Variants in PIAS2 observed in about 807,000 individuals in gnomAD.
PIAS2 encodes the protein protein inhibitor of activated STAT 2.
A neutral mutation model predicts 69.7 loss-of-function variants in PIAS2; 19 were observed. The ratio of observed to expected loss-of-function variants is 0.27; its 90% CI spans 0.19 to 0.40. The LOEUF is 0.40. PIAS2 is among the 10% of genes least tolerant of loss of function. The probability of loss-of-function intolerance (pLI) is 1.00; values close to 1 mark genes in which losing one functional copy is unlikely to be tolerated. For missense variants in PIAS2, 624 were observed against 757.0 expected, an observed-to-expected ratio of 0.82 and a Z score of 2.06; for synonymous variants, 261 against 263.2, an observed-to-expected ratio of 0.99 and a Z score of 0.08.
chr18:46,818,332 C>T lies in PIAS2; in HGVS notation c.1648+2601G>A. On this transcript the variant is annotated intron_variant, in intron 12 of 13. Transcript: ENST00000585916. ...CAGTCATATTTTTCCTTGAAATAAG[C>T]TGTTTTCCACTCCATAAATACAAAT... 5 of 1,468,708 alleles carry T rather than the reference C, an allele frequency of 3.4e-6. No individual in the cohort carries two copies. The South Asian group carries it at 7.8e-5, about 23-fold the overall frequency. 91.0% of individuals were successfully genotyped at this position (1,468,708 alleles called of 1,614,324 possible). A position where few individuals can be genotyped will look rare whatever the true frequency, so the allele number is the denominator to read the frequency against.
chr18:46,898,292 C>T (rs1202472341), intron 1 of PIAS2, among the ~76,000 whole-genome samples: 7 of 151,974 alleles, frequency 4.6e-5, no homozygotes, highest in Admixed American at 4.6e-4. Flanking sequence ...GGATTACTGG[C>T]ACACACCACC....
intron 9 of PIAS2, among the ~76,000 whole-genome samples, chr18:46,835,751 ACTG>A (rs1262519289): frequency 2.0e-5 from 3 of 152,218 alleles, no homozygotes; most frequent in Non-Finnish European, 4.4e-5. Flanking sequence ...ATAGGATGGT[ACTG>A]CTAATTTTAT....
intron 13 of PIAS2, among the ~76,000 whole-genome samples, chr18:46,813,298 ACCCCTTT>A (rs1483882533): frequency 2.0e-5 from 3 of 152,022 alleles, no homozygotes; most frequent in Non-Finnish European, 4.4e-5. Flanking sequence ...CCTGCTTAAC[ACCCCTTT>A]CCTAGTGCTC....
At chr18:46,866,847 G>T (rs1027185580) in intron 2 of PIAS2, among the ~76,000 whole-genome samples, 3 of 151,992 alleles carry the variant, frequency 2.0e-5, no homozygotes, top group Admixed American at 1.3e-4. Flanking sequence ...TCCACTCTTA[G>T]CGTGCCACAA....
In PIAS2 at chr18:46,807,236, T is replaced by A. The variant is rs555415846; in HGVS notation, c.*5197A>T. The A allele has an allele frequency of 1.0e-4, 15 of 150,204 alleles. No individual in the cohort carries two copies. In the East Asian group the frequency reaches 2.9e-3, roughly 29 times the overall value. 9.3% of individuals were successfully genotyped at this position (150,204 alleles called of 1,614,324 possible). On this transcript the variant is annotated 3_prime_UTR_variant, in exon 14 of 14. Coordinates refer to ENST00000585916, the MANE Select transcript of PIAS2 (RefSeq NM_004671.5). ...TTTTTTTAAAAAGTGACAAAACTTT[T>A]GAACTAAAGATGGAAAACGTAGTCT...
intron 2 of PIAS2, among the ~76,000 whole-genome samples, chr18:46,877,715 C>T (rs1258353951): frequency 2.0e-5 from 3 of 152,122 alleles, no homozygotes; most frequent in South Asian, 4.1e-4. Context: ...GGAATAACCG[C>T]GTTAGGGATA....
chr18:46,810,418 G>C lies in PIAS2; in HGVS notation c.*2015C>G, dbSNP rs897565539. On this transcript the variant is annotated 3_prime_UTR_variant, in exon 14 of 14. Coordinates refer to ENST00000585916, the MANE Select transcript of PIAS2 (RefSeq NM_004671.5). ...GTTAAGTTTTTTCTATCTGATTACA[G>C]AGTCAATAAATATTGCATCTGTATT... 2.0e-5 allele frequency: 3 copies of C among 152,070 alleles called. No individual in the cohort carries two copies. Among genetic ancestry groups the C allele is most frequent in the Admixed American group, 6.6e-5 (1 of 15,264 alleles). 9.4% of individuals were successfully genotyped at this position (152,070 alleles called of 1,614,324 possible). A position where few individuals can be genotyped will look rare whatever the true frequency, so the allele number is the denominator to read the frequency against.
At chr18:46,856,401 T>C (rs1001824443) in intron 3 of PIAS2, among the ~76,000 whole-genome samples, 1 of 152,162 alleles carries the variant, frequency 6.6e-6, no homozygotes, top group Non-Finnish European at 1.5e-5. Context: ...GGGATTCTAA[T>C]ATAGACCCAG....
chr18:46,838,006 G>A (rs925804970), intron 8 of PIAS2, among the ~76,000 whole-genome samples: 5 of 152,296 alleles, frequency 3.3e-5, no homozygotes, highest in Admixed American at 2.6e-4. Context: ...AACAGGAAAC[G>A]AAGAAGACGG....
intron 3 of PIAS2, among the ~76,000 whole-genome samples, chr18:46,856,563 C>T (rs1342677524): frequency 6.6e-6 from 1 of 152,176 alleles, no homozygotes. Context: ...CCTCCAAACT[C>T]TTGCCACGCA....
intron 3 of PIAS2, among the ~76,000 whole-genome samples, chr18:46,857,474 A>C (rs1387136139): frequency 6.6e-6 from 1 of 152,246 alleles, no homozygotes; most frequent in Non-Finnish European, 1.5e-5. Flanking sequence ...GGGTTTTTAC[A>C]GCAGTGGTTC....
At chr18:46,841,014 A>C (rs1293751892) in intron 8 of PIAS2, among the ~76,000 whole-genome samples, 1 of 151,932 alleles carries the variant, frequency 6.6e-6, no homozygotes. Context: ...AAGAGATAAA[A>C]TCAAACCTAG....
intron 2 of PIAS2, among the ~76,000 whole-genome samples, chr18:46,875,118 T>C (rs1343104571): frequency 6.6e-6 from 1 of 152,184 alleles, no homozygotes; most frequent in Non-Finnish European, 1.5e-5. Context: ...TAACCATCCC[T>C]TAACCCTTCA....
intron 13 of PIAS2, among the ~76,000 whole-genome samples, chr18:46,813,723 C>T (rs1368571079): frequency 6.6e-6 from 1 of 152,102 alleles, no homozygotes; most frequent in East Asian, 1.9e-4. Context: ...AAGTTGCCAG[C>T]CAGAGGGACA....
Position 46,891,835 on chromosome 18 carries a change from CCTT to C in PIAS2, c.25-784_25-782del, listed in dbSNP as rs1411923503. Reference sequence around the variant, plus strand: ...TAAGCAGTTGCAGCTTCACATCACACCTTCTATTTTTTCAGCAAAACTTAATGA... The same window carrying C: ...TAAGCAGTTGCAGCTTCACATCACACCTATTTTTTCAGCAAAACTTAATGA... On this transcript the variant is annotated intron_variant, in intron 1 of 13. Transcript: ENST00000585916. Among the ~76,000 whole-genome samples, 5 of 152,134 alleles carry C rather than the reference CCTT, an allele frequency of 3.3e-5. No homozygotes were observed. The East Asian group carries it at 9.6e-4, about 29-fold the overall frequency.
intron 2 of PIAS2, among the ~76,000 whole-genome samples, chr18:46,876,782 T>C (rs944413686): frequency 6.6e-6 from 1 of 151,718 alleles, no homozygotes; most frequent in African/African-American, 2.4e-5. Context: ...CTGCAAGCTC[T>C]GCCTCCCGGG....
chr18:46,850,695 T>C (rs561343330), intron 5 of PIAS2, among the ~76,000 whole-genome samples: 1 of 152,342 alleles, frequency 6.6e-6, no homozygotes, highest in South Asian at 2.1e-4. Flanking sequence ...GATGTCAGCC[T>C]GATTCCTCTA....
At chr18:46,912,636 T>G (rs577245657) in intron 1 of PIAS2, among the ~76,000 whole-genome samples, 95 of 152,200 alleles carry the variant, frequency 6.2e-4, no homozygotes, top group African/African-American at 2.2e-3. Context: ...CTAGGACAGG[T>G]GGAAAATGAC....
At chr18:46,910,582 A>G (rs1307023087) in intron 1 of PIAS2, among the ~76,000 whole-genome samples, 1 of 152,232 alleles carries the variant, frequency 6.6e-6, no homozygotes, top group Non-Finnish European at 1.5e-5. Context: ...AAAAGAAAGA[A>G]AAATGAAAGA....
Sources: allele counts gnomAD v4.1 joint callset (sites outside exome capture counted in the v4.1 genomes callset), GRCh38; gene constraint gnomAD v4.1.1; transcripts MANE v1.5; gene names NCBI Gene and HGNC (gene_info 2026-07-23, HGNC 2026-07-21).